Variants in FAM20C observed in about 807,000 individuals in gnomAD.
FAM20C encodes the protein FAM20C golgi associated secretory pathway kinase.
FAM20C carries 40 observed loss-of-function variants against 51.5 expected under a neutral mutation model. The ratio of observed to expected loss-of-function variants is 0.78; its 90% CI spans 0.60 to 1.01. The LOEUF (loss-of-function observed/expected upper bound fraction) is 1.01. Ranked by LOEUF, FAM20C falls within the 50% of genes least tolerant of loss-of-function variation. FAM20C has a pLI of 0.00. For synonymous variants in FAM20C, 406 were observed against 380.6 expected (o/e 1.07, Z -0.78); for missense variants, 861 against 844.7 (o/e 1.02, Z -0.24).
intron 8 of FAM20C, among the ~76,000 whole-genome samples, chr7:258,069 CT>C (rs1286866791): frequency 7.7e-6 from 1 of 130,690 alleles, no homozygotes; most frequent in Non-Finnish European, 1.7e-5. Flanking sequence ...GACCCACTGC[CT>C]GGGGTGCTGG....
intron 3 of FAM20C, among the ~76,000 whole-genome samples, chr7:234,867 C>G (rs1423774954): frequency 6.6e-6 from 1 of 152,136 alleles, no homozygotes; most frequent in Admixed American, 6.5e-5. Flanking sequence ...GAGAAGCCCA[C>G]GGCACTGCAT....
chr7:193,877 G>A (rs1785719353), intron 1 of FAM20C, 73 bp downstream of exon 1: 10 of 1,474,128 alleles, frequency 6.8e-6, no homozygotes, highest in South Asian at 2.6e-5. Context: ...GAGGTTCAGG[G>A]GCCCCAGAGG....
chr7:234,123 G>A (rs1274545912), intron 3 of FAM20C, among the ~76,000 whole-genome samples: 6 of 152,368 alleles, frequency 3.9e-5, no homozygotes, highest in African/African-American at 9.6e-5. Flanking sequence ...GTCCCGGCAA[G>A]TGGAGGCGTG....
intron 6 of FAM20C, 112 bp downstream of exon 6, chr7:256,141 G>A: frequency 7.6e-7 from 1 of 1,310,376 alleles, no homozygotes; most frequent in Admixed American, 2.6e-5. Flanking sequence ...TGGGTGCAGA[G>A]CCTGCTGTGC....
intron 2 of FAM20C, among the ~76,000 whole-genome samples, chr7:200,849 G>C (rs536146869): frequency 1.3e-5 from 2 of 152,148 alleles, no homozygotes; most frequent in Non-Finnish European, 2.9e-5. Flanking sequence ...GCAGGTGCAG[G>C]CTCCCAGCTC....
chr7:233,419 A>G (rs1029541624), intron 3 of FAM20C, among the ~76,000 whole-genome samples: 6 of 152,130 alleles, frequency 3.9e-5, no homozygotes, highest in Non-Finnish European at 5.9e-5. Context: ...GGTATCCTGT[A>G]TTCCCCTCCT....
chr7:248,404 T>A lies in FAM20C; in HGVS notation c.1046T>A (p.Leu349His). 1 of 1,537,018 alleles carries A rather than the reference T, an allele frequency of 6.5e-7. No homozygotes were observed. Among genetic ancestry groups the A allele is most frequent in the Non-Finnish European group, 8.7e-7 (1 of 1,146,858 alleles). Residue 349 changes from leucine to histidine, a missense_variant, in exon 5 of 10, where the codon CTC becomes CAC. This residue lies in a region of FAM20C where 31 missense variants were observed against 61.1 expected (regional missense o/e 0.51). Coordinates refer to ENST00000313766, the MANE Select transcript of FAM20C (RefSeq NM_020223.4). Reference sequence around the variant, plus strand: ...CGGGACGTCACACGGGACAAGAAGCTCTGGAGGACCTTCTTCATCTCTCCA... The same window carrying A: ...CGGGACGTCACACGGGACAAGAAGCACTGGAGGACCTTCTTCATCTCTCCA... Reference protein sequence around the residue: ...EIRDVTRDKKLWRTFFISPAN... With the variant: ...EIRDVTRDKKHWRTFFISPAN...
chr7:223,761 T>C (rs1787342889), intron 3 of FAM20C, among the ~76,000 whole-genome samples: 1 of 152,234 alleles, frequency 6.6e-6, no homozygotes, highest in Non-Finnish European at 1.5e-5. Context: ...ACGTTCACGT[T>C]GCTTCCAGTT....
At chr7:217,224 G>T (rs1243868964) in intron 3 of FAM20C, among the ~76,000 whole-genome samples, 1 of 152,126 alleles carries the variant, frequency 6.6e-6, no homozygotes, top group East Asian at 1.9e-4. Context: ...ACACAGCTTT[G>T]GCCTCGGACT....
Position 260,230 on chromosome 7 carries a change from C to A in FAM20C, c.*250C>A. ...AGAGGCGGCCGGCGCCGGAGGCATTCCATCCTTTCTGTAGGGAAAGGAGCC... is the reference window on the plus strand; with the variant it reads ...AGAGGCGGCCGGCGCCGGAGGCATTACATCCTTTCTGTAGGGAAAGGAGCC... On this transcript the variant is annotated 3_prime_UTR_variant, in exon 10 of 10. Transcript: ENST00000313766. 1 of 454,680 alleles carries A rather than the reference C, an allele frequency of 2.2e-6. No homozygotes were observed. The allele number at this position is 454,680 out of a possible 1,614,324, so 28.2% of individuals were successfully genotyped here. A position where few individuals can be genotyped will look rare whatever the true frequency, so the allele number is the denominator to read the frequency against.
chr7:195,609 G>A lies in FAM20C; in HGVS notation c.661G>A (p.Asp221Asn), dbSNP rs1785826248. ...CCTCTCCCCCGGGGAGGCGGCCGTG[G>A]ACTCCTATCCCAACTGGCTCAAGTT... is the stretch of plus-strand genomic sequence containing the variant. ...EFLSPGEAAV[D>N]SYPNWLKFHI... is the part of the protein sequence containing the mutation. Residue 221 changes from aspartate (D) to asparagine (N), a missense_variant, in exon 2 of 10, where the codon GAC becomes AAC. Physicochemically the swap from Asp to Asn is conservative, Grantham distance 23. Transcript: ENST00000313766. The A allele has an allele frequency of 6.2e-7, 1 of 1,606,304 alleles. No homozygotes were observed. The highest frequency in any genetic ancestry group is 1.1e-5 in the South Asian group (1 of 90,038).
At chr7:245,001 C>G (rs989501605) in intron 3 of FAM20C, among the ~76,000 whole-genome samples, 3 of 152,242 alleles carry the variant, frequency 2.0e-5, no homozygotes, top group African/African-American at 7.2e-5. Flanking sequence ...CGGCCTGTGA[C>G]CCAGACGTGG....
intron 2 of FAM20C, 90 bp from the exon 3 acceptor site, chr7:208,808 C>A: frequency 7.4e-7 from 1 of 1,356,606 alleles, no homozygotes; most frequent in Non-Finnish European, 1.0e-6. Flanking sequence ...CCCAGAGGAC[C>A]CGGATTGCAG....
intron 8 of FAM20C, chr7:257,401 G>A: frequency 3.2e-6 from 1 of 314,682 alleles, no homozygotes; most frequent in East Asian, 6.4e-5. Flanking sequence ...GAATAGATGG[G>A]CCTCTGCCTG....
In FAM20C at chr7:259,945, C is replaced by T. The variant is rs1392296777; in HGVS notation, c.1720C>T (p.Leu574=). ...GCTCCACAGCGTGGTGGATGACGAC[C>T]TGGACACTGAGCACAGAGCCGCCTC... ...NGLHSVVDDD[L]DTEHRAASAR The change falls in exon 10 of 10, where the codon CTG becomes TTG. Residue 574 remains leucine, a synonymous_variant. Coordinates refer to ENST00000313766, the MANE Select transcript of FAM20C (RefSeq NM_020223.4). 9 of 1,527,964 alleles carry T rather than the reference C, an allele frequency of 5.9e-6. 1 individual carries two copies. The Middle Eastern group carries it at 5.1e-4, about 86-fold the overall frequency. 94.7% of individuals were successfully genotyped at this position (1,527,964 alleles called of 1,614,324 possible).
At chr7:205,851 G>A (rs759561926) in intron 2 of FAM20C, among the ~76,000 whole-genome samples, 7 of 152,086 alleles carry the variant, frequency 4.6e-5, no homozygotes, top group Middle Eastern at 3.4e-3. Flanking sequence ...CACGAAGCCC[G>A]CTGTCCTCAC....
At chr7:247,292 G>A (rs146026455) in intron 4 of FAM20C, among the ~76,000 whole-genome samples, 8,178 of 152,258 alleles carry the variant, frequency 0.054, 270 homozygotes, top group Non-Finnish European at 0.082. Context: ...GGCAGTAAAC[G>A]GGCCTGGCCC....
chr7:256,296 G>A (rs1788587202), intron 6 of FAM20C: 2 of 588,684 alleles, frequency 3.4e-6, no homozygotes, highest in Non-Finnish European at 6.0e-6. Context: ...TTTGAGCTCT[G>A]CTCTCGCCCC....
chr7:204,692 G>A (rs558186482), intron 2 of FAM20C, among the ~76,000 whole-genome samples: 4 of 152,390 alleles, frequency 2.6e-5, no homozygotes, highest in South Asian at 4.1e-4. Context: ...CACTGCCGCT[G>A]TTCTCAGTGT....
Sources: gnomAD v4.1 joint callset for allele counts (sites outside exome capture counted in the v4.1 genomes callset) on GRCh38, gnomAD v4.1.1 for gene constraint, gnomAD v4.1.1 regional missense constraint, MANE v1.5 for transcripts, NCBI Gene and HGNC (gene_info 2026-07-23, HGNC 2026-07-21) for gene names.